The following SMAD6 variants were observed in gnomAD, a reference collection of about 807,000 sequenced individuals.
The protein encoded by SMAD6 is MAD homolog 6.
Under a neutral mutation model 39.4 loss-of-function variants are expected in SMAD6, and 103 were observed. That is an observed-to-expected ratio of 2.62 (90% CI 2.23 to 3.08). The LOEUF is 3.08. Among genes scored for constraint, SMAD6 ranks in the 30% most tolerant of loss-of-function variants. The probability of loss-of-function intolerance (pLI) is 0.00; values close to 1 mark genes in which losing one functional copy is unlikely to be tolerated. For synonymous variants in SMAD6, 445 were observed against 353.3 expected (o/e 1.26, Z -2.91); for missense variants, 1,104 against 742.9 (o/e 1.49, Z -5.65).
At chr15:66,727,726 A>G (rs1893547376) in intron 3 of SMAD6, among the ~76,000 whole-genome samples, 3 of 152,190 alleles carry the variant, frequency 2.0e-5, no homozygotes, top group Non-Finnish European at 4.4e-5. Context: ...CTGTGGGCTT[A>G]GCGAATGGAT....
At chr15:66,743,559 A>G (rs140089547) in intron 3 of SMAD6, among the ~76,000 whole-genome samples, 7 of 143,366 alleles carry the variant, frequency 4.9e-5, no homozygotes, top group Non-Finnish European at 7.6e-5. Context: ...CCCTACCTCA[A>G]TAGCATTTCC....
At chr15:66,724,459 T>C (rs1680246087) in intron 3 of SMAD6, among the ~76,000 whole-genome samples, 1 of 152,198 alleles carries the variant, frequency 6.6e-6, no homozygotes, top group Non-Finnish European at 1.5e-5. Flanking sequence ...TATTTATTCA[T>C]GGGCTACTCC....
At chr15:66,770,930 A>T (rs935129966) in intron 3 of SMAD6, among the ~76,000 whole-genome samples, 1 of 152,192 alleles carries the variant, frequency 6.6e-6, no homozygotes, top group Admixed American at 6.5e-5. Flanking sequence ...GAGTCCTCTG[A>T]TGGAGGAGAT....
Position 66,703,549 on chromosome 15 carries a change from G to T in SMAD6, c.291G>T (p.Gly97=), listed in dbSNP as rs1454366386. The stretch of plus-strand genomic sequence containing the variant: ...CCCCGAGGCCCATGTCGGAGCCAGG[G>T]GCCGGCGCTGGGAGCTCCCTGCTGG... ...GGPPRPMSEP[G]AGAGSSLLDV... The change falls in exon 1 of 4, where the codon GGG becomes GGT. Residue 97 remains glycine (G), a synonymous_variant. Transcript: ENST00000288840. 3 of 1,221,694 alleles carry T rather than the reference G, an allele frequency of 2.5e-6. No homozygotes were observed. Among genetic ancestry groups the T allele is most frequent in the Non-Finnish European group, 3.1e-6 (3 of 979,090 alleles). The allele number at this position is 1,221,694 out of a possible 1,614,324, so 75.7% of individuals were successfully genotyped here. A position where few individuals can be genotyped will look rare whatever the true frequency, so the allele number is the denominator to read the frequency against.
In SMAD6 at chr15:66,703,998, G is replaced by A. The variant is rs748126451; in HGVS notation, c.740G>A (p.Cys247Tyr). Reference protein sequence around the residue: ...HAVELKPLCGCHSFAAAADGP... With the variant: ...HAVELKPLCGYHSFAAAADGP... ...GTGGAGCTGAAGCCCCTGTGCGGCT[G>A]CCACAGCTTCGCCGCCGCCGCCGAC... Residue 247 changes from cysteine to tyrosine, a missense_variant, in exon 1 of 4, where the codon TGC (cysteine) becomes TAC (tyrosine). Cys to Tyr is a radical substitution (Grantham distance 194). Coordinates refer to ENST00000288840, the MANE Select transcript of SMAD6 (RefSeq NM_005585.5). 6.7e-7 allele frequency: 1 copy of A among 1,489,698 alleles called. No homozygotes were observed. The highest frequency in any genetic ancestry group is 8.9e-7 in the Non-Finnish European group (1 of 1,127,842). 92.3% of individuals were successfully genotyped at this position (1,489,698 alleles called of 1,614,324 possible).
At chr15:66,715,138 T>G (rs766470224) in intron 2 of SMAD6, among the ~76,000 whole-genome samples, 1 of 151,996 alleles carries the variant, frequency 6.6e-6, no homozygotes, top group Non-Finnish European at 1.5e-5. Context: ...TCCCGCGTTA[T>G]TTTTTGGTAT....
Position 66,711,651 on chromosome 15 carries a change from T to A in SMAD6, c.818-17T>A. 1.2e-6 allele frequency: 2 copies of A among 1,609,558 alleles called. No homozygotes were observed. The highest frequency in any genetic ancestry group is 1.7e-6 in the Non-Finnish European group (2 of 1,175,848). ...CTCCCCAACCCTGGCAGTGACATGC[T>A]GTCTCCTGTCTTCCAGAATCTCCGC... is the stretch of plus-strand genomic sequence containing the variant. On this transcript the variant is annotated splice_polypyrimidine_tract_variant and intron_variant, in intron 1 of 3. Coordinates refer to ENST00000288840, the MANE Select transcript of SMAD6 (RefSeq NM_005585.5).
chr15:66,781,434 G>C lies in SMAD6; in HGVS notation c.1390G>C (p.Val464Leu), dbSNP rs776644944. Residue 464 changes from valine (V) to leucine (L), a missense_variant, in exon 4 of 4, where the codon GTC becomes CTC. Transcript: ENST00000288840. ...AADGPYDPNS[V>L]RISFAKGWGP... ...CGACGGCCCCTACGACCCCAACAGC[G>C]TCCGCATCAGCTTCGCCAAGGGCTG... The C allele has an allele frequency of 3.7e-6, 6 of 1,605,168 alleles. No homozygotes were observed. The highest frequency in any genetic ancestry group is 5.1e-6 in the Non-Finnish European group (6 of 1,178,338).
chr15:66,715,988 A>G (rs1382171302), intron 2 of SMAD6, among the ~76,000 whole-genome samples: 1 of 151,812 alleles, frequency 6.6e-6, no homozygotes, highest in Non-Finnish European at 1.5e-5. Context: ...GGGAGGGAGG[A>G]AGGAAGGAAG....
At chr15:66,727,567 T>C (rs868643642) in intron 3 of SMAD6, among the ~76,000 whole-genome samples, 8 of 152,118 alleles carry the variant, frequency 5.3e-5, no homozygotes, top group South Asian at 2.1e-4. Flanking sequence ...GGACACTTGT[T>C]CTGGGAATGG....
At chr15:66,717,681 T>C (rs2140606730) in intron 3 of SMAD6, 1 of 348,138 alleles carries the variant, frequency 2.9e-6, no homozygotes, top group East Asian at 7.6e-5. Context: ...TACAAGAGTA[T>C]GACTGTTGCA....
intron 3 of SMAD6, among the ~76,000 whole-genome samples, chr15:66,731,846 A>G (rs910043439): frequency 3.9e-5 from 6 of 152,138 alleles, no homozygotes; most frequent in African/African-American, 1.2e-4. Context: ...GCAGTATATG[A>G]GAATTCTAGT....
Position 66,716,461 on chromosome 15 carries a change from T to TAC in SMAD6, c.916_917dup (p.Asn307ProfsTer233). On this transcript the variant is annotated frameshift_variant, in exon 3 of 4. Transcript: ENST00000288840. LOFTEE classifies it high-confidence loss of function. ...CATTGTCTTACACTGAAACGGAGGCTACCAACTCCCTCATCACTGCTCCGG... is the reference window on the plus strand; with the variant it reads ...CATTGTCTTACACTGAAACGGAGGCTACACCAACTCCCTCATCACTGCTCCGG... 1 of 1,613,914 alleles carries TAC rather than the reference T, an allele frequency of 6.2e-7. No homozygotes were observed. Among genetic ancestry groups the TAC allele is most frequent in the Non-Finnish European group, 8.5e-7 (1 of 1,179,734 alleles).
rs1176080464 is a variant in SMAD6 at position 66,781,137 on chromosome 15, G to T, written c.1093G>T (p.Gly365Cys). ...CTTCTACGACCTACCTCAGGGCAGCGGCTTCTGCCTGGGCCAGCTCAACCT... is the reference window on the plus strand; with the variant it reads ...CTTCTACGACCTACCTCAGGGCAGCTGCTTCTGCCTGGGCCAGCTCAACCT... The part of the protein sequence containing the change: ...SIFYDLPQGS[G>C]FCLGQLNLEQ... The change falls in exon 4 of 4, where the codon GGC becomes TGC. Residue 365 changes from glycine (G) to cysteine (C), a missense_variant. Transcript: ENST00000288840. 6.2e-7 allele frequency: 1 copy of T among 1,608,576 alleles called. No individual in the cohort carries two copies. Among genetic ancestry groups the T allele is most frequent in the Non-Finnish European group, 8.5e-7 (1 of 1,179,764 alleles).
chr15:66,708,487 TATTCATAACAGCCAA>T (rs1893163866), intron 1 of SMAD6, among the ~76,000 whole-genome samples: 1 of 152,244 alleles, frequency 6.6e-6, no homozygotes, highest in African/African-American at 2.4e-5. Flanking sequence ...GATAGCACAT[TATTCATAACAGCCAA>T]AGAGAGGAAG....
At chr15:66,742,916 C>T (rs1893840606) in intron 3 of SMAD6, among the ~76,000 whole-genome samples, 1 of 152,154 alleles carries the variant, frequency 6.6e-6, no homozygotes, top group Non-Finnish European at 1.5e-5. Flanking sequence ...AAATCTTCTC[C>T]CTAGAGTCCC....
chr15:66,729,138 G>A (rs2140622662), intron 3 of SMAD6, among the ~76,000 whole-genome samples: 1 of 152,234 alleles, frequency 6.6e-6, no homozygotes, highest in Admixed American at 6.5e-5. Flanking sequence ...GCCTAGAGCA[G>A]GATCTCCCCT....
In SMAD6 at chr15:66,703,712, C is replaced by T. The variant is rs1191594403; in HGVS notation, c.454C>T (p.Pro152Ser). 2.2e-6 allele frequency: 3 copies of T among 1,346,942 alleles called. No homozygotes were observed. The highest frequency in any genetic ancestry group is 2.7e-5 in the Admixed American group (1 of 37,634). 83.4% of individuals were successfully genotyped at this position (1,346,942 alleles called of 1,614,324 possible). Residue 152 changes from proline (P) to serine (S), a missense_variant, in exon 1 of 4, where the codon CCG becomes TCG. Pro to Ser is a moderately conservative substitution (Grantham distance 74). Coordinates refer to ENST00000288840, the MANE Select transcript of SMAD6 (RefSeq NM_005585.5). ...CCCCCTGGCCGGGGCGGCCCTGGAG[C>T]CGGCGGGCGGCGGGCGGAGTCGCGA... is the stretch of plus-strand genomic sequence containing the variant. The part of the protein sequence containing the change: ...SDPLAGAALE[P>S]AGGGRSREAR...
rs1893247103 is a variant in SMAD6, at chr15:66,712,287, G to A, written c.874+563G>A. On this transcript the variant is annotated intron_variant, in intron 2 of 3. Transcript: ENST00000288840. ...GGACTGTCCCCTAGGTGAGCTTAGT[G>A]GAGTTGGTAATTTTAGACAACTCCC... Among the ~76,000 whole-genome samples the A allele has an allele frequency of 1.3e-5, 2 of 152,164 alleles. 1 individual carries two copies. The highest frequency in any genetic ancestry group is 4.1e-4 in the South Asian group (2 of 4,830).
Sources: gnomAD v4.1 joint callset for allele counts (sites outside exome capture counted in the v4.1 genomes callset) on GRCh38, gnomAD v4.1.1 for gene constraint, MANE v1.5 for transcripts, NCBI Gene and HGNC (gene_info 2026-07-23, HGNC 2026-07-21) for gene names.